HDAC9: variants seen among roughly 807,000 people sequenced by gnomAD.
HDAC9 encodes MEF-2 interacting transcription repressor (MITR) protein.
Under a neutral mutation model 139.4 loss-of-function variants are expected in HDAC9, and 41 were observed. The ratio of observed to expected loss-of-function variants is 0.29; its 90% CI spans 0.23 to 0.38. The LOEUF is 0.38. Among genes scored for constraint, HDAC9 ranks in the 10% least tolerant of loss-of-function variants. HDAC9 has a pLI of 1.00. For missense variants in HDAC9, 1,147 were observed against 1,297.0 expected (o/e 0.88, Z 1.78); for synonymous variants, 517 against 476.2 (o/e 1.09, Z -1.12).
chr7:18,332,259 G>A (rs577680500), intron 1 of HDAC9, among the ~76,000 whole-genome samples: 1 of 151,596 alleles, frequency 6.6e-6, no homozygotes, highest in African/African-American at 2.4e-5. Flanking sequence ...TTATAAACTG[G>A]TCTGTTTAGC....
At position 18,738,861 on chromosome 7, in the gene HDAC9, A is replaced by G. The variant is rs117175286; in HGVS notation, c.1910-10144A>G. 3.0e-3 allele frequency among the ~76,000 whole-genome samples: 450 copies of G among 152,334 alleles called. 2 individuals are homozygous for G. Among genetic ancestry groups the G allele is most frequent in the Non-Finnish European group, 4.2e-3 (286 of 68,042 alleles). On this transcript the variant is annotated intron_variant, in intron 13 of 25. Transcript: ENST00000686413. ...ATAGTATCCTGAAGAGTGTTTTCCA[A>G]GTTGTTTCCCTTCTCCTCATCACTT... is the stretch of plus-strand genomic sequence containing the variant.
chr7:18,269,259 A>T (rs1796196954), intron 2 of HDAC9, among the ~76,000 whole-genome samples: 1 of 152,196 alleles, frequency 6.6e-6, no homozygotes, highest in Non-Finnish European at 1.5e-5. Flanking sequence ...TTGAAAAATT[A>T]TAGTTCCTCA....
chr7:18,896,315 GC>G (rs1801194384), intron 22 of HDAC9, among the ~76,000 whole-genome samples: 1 of 151,984 alleles, frequency 6.6e-6, no homozygotes, highest in South Asian at 2.1e-4. Flanking sequence ...CACTTTAAGA[GC>G]CAAGAAAAAT....
chr7:18,400,768 C>G (rs968846669), intron 1 of HDAC9, among the ~76,000 whole-genome samples: 6 of 152,286 alleles, frequency 3.9e-5, no homozygotes, highest in Non-Finnish European at 8.8e-5. Flanking sequence ...CGATGAAAGC[C>G]ATGAATCCTG....
intron 1 of HDAC9, among the ~76,000 whole-genome samples, chr7:18,410,688 T>C (rs1228967951): frequency 2.0e-5 from 3 of 152,198 alleles, no homozygotes; most frequent in Non-Finnish European, 4.4e-5. Flanking sequence ...GACAGGAATG[T>C]ATTTCCTTAT....
chr7:18,185,882 C>T (rs1037529305), intron 2 of HDAC9, among the ~76,000 whole-genome samples: 4 of 152,144 alleles, frequency 2.6e-5, no homozygotes, highest in Non-Finnish European at 5.9e-5. Flanking sequence ...GGTATTTTGT[C>T]ACTTCGTGCA....
chr7:18,658,755 G>C (rs935868850), intron 11 of HDAC9, among the ~76,000 whole-genome samples: 2 of 151,870 alleles, frequency 1.3e-5, no homozygotes, highest in Non-Finnish European at 2.9e-5. Flanking sequence ...GTTGTTTTTT[G>C]AGAACAGTTG....
chr7:18,875,968 A>T lies in HDAC9; in HGVS notation c.2803+1372A>T, dbSNP rs145752047. On this transcript the variant is annotated intron_variant, in intron 22 of 25. Transcript: ENST00000686413. ...TTGTTCCTTGCCATTAAATCCAAGA[A>T]TCTCACTCAGAAGAGAGGAGTGTCT... 4.8e-3 allele frequency among the ~76,000 whole-genome samples: 733 copies of T among 152,248 alleles called. 9 individuals carry two copies. The highest frequency in any genetic ancestry group is 0.017 in the African/African-American group (704 of 41,556).
At chr7:18,221,263 G>A (rs943163510) in intron 2 of HDAC9, among the ~76,000 whole-genome samples, 1 of 151,994 alleles carries the variant, frequency 6.6e-6, no homozygotes, top group African/African-American at 2.4e-5. Flanking sequence ...CCGCCGCCAT[G>A]CCTGGCTAAT....
chr7:18,681,248 GT>G (rs1214654161), intron 12 of HDAC9, among the ~76,000 whole-genome samples: 1 of 151,820 alleles, frequency 6.6e-6, no homozygotes, highest in African/African-American at 2.4e-5. Flanking sequence ...AAAATATTTT[GT>G]TTCGTTTTTG....
chr7:18,179,686 C>G (rs180773336), intron 2 of HDAC9, among the ~76,000 whole-genome samples: 1 of 152,068 alleles, frequency 6.6e-6, no homozygotes, highest in African/African-American at 2.4e-5. Context: ...TATACAAATG[C>G]ATATTTGAAG....
chr7:18,987,026 G>A (rs931886655), intron 25 of HDAC9, among the ~76,000 whole-genome samples: 1 of 152,186 alleles, frequency 6.6e-6, no homozygotes, highest in African/African-American at 2.4e-5. Flanking sequence ...GGGACAATTT[G>A]ACTTCCTCTT....
intron 22 of HDAC9, among the ~76,000 whole-genome samples, chr7:18,918,297 C>T (rs2129294209): frequency 6.6e-6 from 1 of 150,434 alleles, no homozygotes; most frequent in South Asian, 2.1e-4. Context: ...CCATGTTTCT[C>T]AGGTGGAAGG....
intron 16 of HDAC9, among the ~76,000 whole-genome samples, chr7:18,785,015 A>C (rs1039624659): frequency 1.3e-5 from 2 of 151,844 alleles, no homozygotes; most frequent in African/African-American, 4.8e-5. Context: ...CTCATAAATT[A>C]TATGATGTTC....
At chr7:18,668,003 G>A in intron 12 of HDAC9, 1 of 974,734 alleles carries the variant, frequency 1.0e-6, no homozygotes, top group Non-Finnish European at 1.2e-6. Context: ...GTATTTCAAG[G>A]TGTAGTATCC....
Position 18,862,279 on chromosome 7 carries a change from AG to A in HDAC9, c.2685-12194del, listed in dbSNP as rs200997422. Among the ~76,000 whole-genome samples the A allele has an allele frequency of 3.3e-3, 498 of 152,304 alleles. 7 individuals carry two copies. The highest frequency in any genetic ancestry group is 0.025 in the Admixed American group (375 of 15,290). On this transcript the variant is annotated intron_variant, in intron 21 of 25. Coordinates refer to ENST00000686413, the MANE Select transcript of HDAC9 (RefSeq NM_178425.4). Reference sequence around the variant, plus strand: ...CAAATGCAAGAGAAAGAGAATGTGAAGGGGGAAAAAAGTGTCCCTTTGGTGT... The same window carrying A: ...CAAATGCAAGAGAAAGAGAATGTGAAGGGGAAAAAAGTGTCCCTTTGGTGT...
At chr7:18,206,848 C>T (rs1791547187) in intron 2 of HDAC9, among the ~76,000 whole-genome samples, 1 of 151,738 alleles carries the variant, frequency 6.6e-6, no homozygotes. Context: ...GTGGCAGCAA[C>T]TGGATAATAA....
intron 2 of HDAC9, among the ~76,000 whole-genome samples, chr7:18,193,925 T>C (rs1038146227): frequency 6.6e-6 from 1 of 152,226 alleles, no homozygotes; most frequent in African/African-American, 2.4e-5. Flanking sequence ...AAGCATATTA[T>C]TCTGTTTTTA....
intron 17 of HDAC9, among the ~76,000 whole-genome samples, chr7:18,796,418 A>T (rs905754038): frequency 5.9e-5 from 9 of 152,206 alleles, no homozygotes; most frequent in African/African-American, 1.9e-4. Flanking sequence ...TGAACCAGGC[A>T]CAGGGGGTGG....
Sources: allele counts gnomAD v4.1 joint callset (sites outside exome capture counted in the v4.1 genomes callset), GRCh38; gene constraint gnomAD v4.1.1; transcripts MANE v1.5; gene names NCBI Gene and HGNC (gene_info 2026-07-23, HGNC 2026-07-21).